SERINC5: variants seen among roughly 807,000 people sequenced by gnomAD.
SERINC5 encodes serine incorporator 5.
In SERINC5, 41 loss-of-function variants were observed where a neutral mutation model predicts 63.1. The ratio of observed to expected loss-of-function variants is 0.65; its 90% CI spans 0.51 to 0.84. The LOEUF is 0.84. Among genes scored for constraint, SERINC5 ranks in the 40% least tolerant of loss-of-function variants. The probability of loss-of-function intolerance (pLI) is 0.00; values close to 1 mark genes in which losing one functional copy is unlikely to be tolerated. For synonymous variants in SERINC5, 222 were observed against 215.2 expected (o/e 1.03, Z -0.28); for missense variants, 523 against 573.0 (o/e 0.91, Z 0.89).
chr5:80,169,217 G>T, intron 6 of SERINC5, 118 bp downstream of exon 6: 1 of 792,648 alleles, frequency 1.3e-6, no homozygotes. Context: ...CACATCCACA[G>T]TAAGTTAAGG....
At chr5:80,175,146 CTA>C in intron 4 of SERINC5, 99 bp from the exon 5 acceptor site, 1 of 696,338 alleles carries the variant, frequency 1.4e-6, no homozygotes, top group Non-Finnish European at 2.4e-6. Flanking sequence ...ATCAGTGTAC[CTA>C]ACATATTTGT....
At chr5:80,120,755 CG>C (rs1283137710) in intron 11 of SERINC5, among the ~76,000 whole-genome samples, 2 of 151,966 alleles carry the variant, frequency 1.3e-5, no homozygotes, top group African/African-American at 4.8e-5. Context: ...GCAGAGGTTG[CG>C]TGAGCCGAGT....
intron 5 of SERINC5, among the ~76,000 whole-genome samples, chr5:80,173,915 C>T (rs1437590959): frequency 6.6e-6 from 1 of 152,050 alleles, no homozygotes; most frequent in Non-Finnish European, 1.5e-5. Flanking sequence ...CACCTAAAGC[C>T]CTTTGTTTCA....
intron 2 of SERINC5, among the ~76,000 whole-genome samples, chr5:80,179,235 G>C (rs1209352627): frequency 6.6e-6 from 1 of 152,120 alleles, no homozygotes; most frequent in Non-Finnish European, 1.5e-5. Context: ...GGAGGCAGAG[G>C]TTGCAGCGAG....
chr5:80,153,517 T>C (rs1746321908), intron 8 of SERINC5, among the ~76,000 whole-genome samples: 1 of 152,056 alleles, frequency 6.6e-6, no homozygotes, highest in South Asian at 2.1e-4. Flanking sequence ...ATTCTTATTA[T>C]CTGCATTCAG....
Position 80,142,575 on chromosome 5 carries a change from A to G in SERINC5, c.*1088T>C, listed in dbSNP as rs1394181894. On this transcript the variant is annotated 3_prime_UTR_variant, in exon 12 of 12. Transcript: ENST00000507668. ...AGTGTGTCTGAGATCCTCACCTCAGAAATTCTCACATTAGCAAACCTACTC... is the reference window on the plus strand; with the variant it reads ...AGTGTGTCTGAGATCCTCACCTCAGGAATTCTCACATTAGCAAACCTACTC... The G allele has an allele frequency of 2.7e-5, 27 of 985,344 alleles. No individual in the cohort carries two copies. Among genetic ancestry groups the G allele is most frequent in the Non-Finnish European group, 3.3e-5 (27 of 829,950 alleles). 61.0% of individuals were successfully genotyped at this position (985,344 alleles called of 1,614,324 possible). A position where few individuals can be genotyped will look rare whatever the true frequency, so the allele number is the denominator to read the frequency against.
At chr5:80,168,170 T>A (rs1747424955) in intron 6 of SERINC5, among the ~76,000 whole-genome samples, 1 of 151,944 alleles carries the variant, frequency 6.6e-6, no homozygotes, top group Admixed American at 6.6e-5. Flanking sequence ...AAATTTTTAA[T>A]AGAAGAAAAC....
At chr5:80,187,871 C>A (rs1204835719) in intron 2 of SERINC5, among the ~76,000 whole-genome samples, 1 of 152,160 alleles carries the variant, frequency 6.6e-6, no homozygotes, top group Non-Finnish European at 1.5e-5. Flanking sequence ...ATACAATAAG[C>A]TCCAAAGGAG....
At chr5:80,256,046 CGAAGCGCCTA>C (rs1377433628) in exon 1 of SERINC5, 2 of 1,082,834 alleles carry the variant, frequency 1.8e-6, no homozygotes, top group African/African-American at 3.4e-5. Context: ...TCAGCCTCGG[CGAAGCGCCTA>C]GGCGCCGAGG....
chr5:80,148,189 C>CTTTTTTTTTTTTTTTTTTTTTTTTTTT (rs796769914), intron 9 of SERINC5, among the ~76,000 whole-genome samples: 1 of 102,334 alleles, frequency 9.8e-6, no homozygotes, highest in African/African-American at 3.8e-5. Flanking sequence ...ATTTTTTATT[C>CTTTTTTTTTTTTTTTTTTTTTTTTTTT]TTTTTTTTTT....
intron 1 of SERINC5, among the ~76,000 whole-genome samples, chr5:80,246,652 G>A (rs928976183): frequency 4.6e-5 from 7 of 152,120 alleles, no homozygotes; most frequent in South Asian, 2.1e-4. Context: ...GGCAAACTAC[G>A]GAAGAAAAGC....
chr5:80,136,147 G>T (rs1745160709), downstream of SERINC5, among the ~76,000 whole-genome samples: 1 of 152,130 alleles, frequency 6.6e-6, no homozygotes, highest in Non-Finnish European at 1.5e-5. Flanking sequence ...AGGCTCACTT[G>T]AGAGCAGGAG....
At chr5:80,244,629 T>C (rs1580216794) in intron 1 of SERINC5, among the ~76,000 whole-genome samples, 2 of 151,718 alleles carry the variant, frequency 1.3e-5, no homozygotes, top group South Asian at 4.2e-4. Flanking sequence ...GAGATCAGCC[T>C]GACCAACATG....
intron 7 of SERINC5, among the ~76,000 whole-genome samples, chr5:80,164,920 T>TTTG (rs1192479323): frequency 2.2e-5 from 3 of 138,610 alleles, no homozygotes; most frequent in Non-Finnish European, 4.7e-5. Context: ...GTTTTTTTTT[T>TTTG]TTTTTTTTTT....
rs1300185982 is a variant in SERINC5, at chr5:80,166,568, C to T, written c.764-90G>A. The T allele has an allele frequency of 6.5e-6, 5 of 768,292 alleles. No individual in the cohort carries two copies. The African/African-American group carries it at 7.1e-5, about 11-fold the overall frequency. The allele number at this position is 768,292 out of a possible 1,614,324, so 47.6% of individuals were successfully genotyped here. A position where few individuals can be genotyped will look rare whatever the true frequency, so the allele number is the denominator to read the frequency against. On this transcript the variant is annotated intron_variant, in intron 6 of 11. Coordinates refer to ENST00000507668, the MANE Select transcript of SERINC5 (RefSeq NM_001174072.3). ...AAACCTGATAGTCCCCATGACAGTC[C>T]TCAAACTTGAGCATCCACCTTTAAA... is the stretch of plus-strand genomic sequence containing the variant.
At chr5:80,121,549 G>C (rs1744543660) in intron 11 of SERINC5, among the ~76,000 whole-genome samples, 1 of 152,156 alleles carries the variant, frequency 6.6e-6, no homozygotes, top group Non-Finnish European at 1.5e-5. Context: ...ATTTGGAGGG[G>C]CCATCTAAAC....
At chr5:80,255,798 G>C in intron 1 of SERINC5, 98 bp downstream of exon 1, 1 of 1,296,316 alleles carries the variant, frequency 7.7e-7, no homozygotes, top group Non-Finnish European at 1.1e-6. Context: ...ACGTTCGGCC[G>C]CGGAGCTGGG....
chr5:80,190,622 A>C (rs973578594), intron 2 of SERINC5, among the ~76,000 whole-genome samples: 18 of 152,230 alleles, frequency 1.2e-4, no homozygotes, highest in African/African-American at 3.6e-4. Context: ...TACTAGTGAA[A>C]TGCTGTATGC....
rs188268123 is a variant in SERINC5 at position 80,207,432 on chromosome 5, T to C, written c.28-4379A>G. On this transcript the variant is annotated intron_variant, in intron 1 of 11. Transcript: ENST00000507668. ...CAGCTGAATCAACATTTAAACTTAC[T>C]ATTATCTCCACAGAGGGAAAAATAA... Among the ~76,000 whole-genome samples the C allele has an allele frequency of 2.0e-3, 305 of 152,360 alleles. 2 individuals are homozygous for C. The highest frequency in any genetic ancestry group is 7.3e-3 in the African/African-American group (303 of 41,592).
Sources: gnomAD v4.1 joint callset for allele counts (sites outside exome capture counted in the v4.1 genomes callset) on GRCh38, gnomAD v4.1.1 for gene constraint, MANE v1.5 for transcripts, NCBI Gene and HGNC (gene_info 2026-07-23, HGNC 2026-07-21) for gene names.